JAZF1: variants seen among roughly 807,000 people sequenced by gnomAD.
The protein encoded by JAZF1 is juxtaposed with another zinc finger protein 1.
A neutral mutation model predicts 26.4 loss-of-function variants in JAZF1; 8 were observed. The ratio of observed to expected loss-of-function variants is 0.30; its 90% CI spans 0.18 to 0.55. JAZF1 has a LOEUF of 0.55. Among genes scored for constraint, JAZF1 ranks in the 20% least tolerant of loss-of-function variants. JAZF1 has a pLI of 0.94. For missense variants in JAZF1, 199 were observed against 322.0 expected, an observed-to-expected ratio of 0.62 and a Z score of 2.92; for synonymous variants, 126 against 122.3, an observed-to-expected ratio of 1.03 and a Z score of -0.20.
chr7:27,850,801 C>CT (rs1783131347), intron 3 of JAZF1, among the ~76,000 whole-genome samples: 3 of 149,974 alleles, frequency 2.0e-5, no homozygotes, highest in Admixed American at 6.6e-5. Flanking sequence ...CATCTTTCAG[C>CT]TCTGAAGGAC....
intron 1 of JAZF1, among the ~76,000 whole-genome samples, chr7:28,062,871 T>G (rs1004578594): frequency 3.9e-5 from 6 of 152,234 alleles, no homozygotes; most frequent in Admixed American, 2.6e-4. Flanking sequence ...AGACTGACAC[T>G]GTTTAATTCT....
intron 2 of JAZF1, among the ~76,000 whole-genome samples, chr7:27,909,042 C>T (rs1258749080): frequency 7.4e-6 from 1 of 134,982 alleles, no homozygotes; most frequent in East Asian, 2.1e-4. Context: ...CAGAATCTCG[C>T]TGTGCTGTCC....
At chr7:28,011,024 C>T (rs1019064810) in intron 1 of JAZF1, among the ~76,000 whole-genome samples, 5 of 152,168 alleles carry the variant, frequency 3.3e-5, no homozygotes, top group African/African-American at 1.2e-4. Context: ...GGGCTCCTCA[C>T]AATCCCACAT....
intron 2 of JAZF1, among the ~76,000 whole-genome samples, chr7:27,917,107 C>T (rs1323725678): frequency 6.6e-6 from 1 of 152,218 alleles, no homozygotes; most frequent in Non-Finnish European, 1.5e-5. Context: ...CCTTAAACTA[C>T]AGGCTCTTAC....
intron 3 of JAZF1, among the ~76,000 whole-genome samples, chr7:27,884,087 A>T (rs1783819383): frequency 6.6e-6 from 1 of 152,198 alleles, no homozygotes; most frequent in Non-Finnish European, 1.5e-5. Context: ...TTCCTGCCTG[A>T]GCAACCACTC....
At chr7:28,035,255 G>A (rs1489540641) in intron 1 of JAZF1, among the ~76,000 whole-genome samples, 5 of 139,914 alleles carry the variant, frequency 3.6e-5, no homozygotes, top group African/African-American at 1.3e-4. Context: ...TGGAGGTTGT[G>A]GTGAGCTGAA....
At chr7:27,880,156 A>G (rs1783744480) in intron 3 of JAZF1, among the ~76,000 whole-genome samples, 1 of 152,214 alleles carries the variant, frequency 6.6e-6, no homozygotes, top group African/African-American at 2.4e-5. Flanking sequence ...CCACATTTAT[A>G]GCTTTAGCTA....
At chr7:28,072,316 C>T (rs1373110530) in intron 1 of JAZF1, among the ~76,000 whole-genome samples, 2 of 152,250 alleles carry the variant, frequency 1.3e-5, no homozygotes, top group Admixed American at 6.5e-5. Flanking sequence ...CTGAACTGTG[C>T]GAAATGGCAG....
intron 1 of JAZF1, among the ~76,000 whole-genome samples, chr7:28,004,773 C>T (rs1782670262): frequency 1.3e-5 from 2 of 152,084 alleles, no homozygotes; most frequent in South Asian, 4.1e-4. Flanking sequence ...GTGCCTTGGT[C>T]TCCCAAGTAG....
intron 1 of JAZF1, among the ~76,000 whole-genome samples, chr7:28,117,419 G>C (rs1784764230): frequency 6.6e-6 from 1 of 152,116 alleles, no homozygotes; most frequent in Non-Finnish European, 1.5e-5. Flanking sequence ...AGGTAGACTA[G>C]ACATTTGCTG....
intron 1 of JAZF1, among the ~76,000 whole-genome samples, chr7:28,136,247 C>T (rs963221634): frequency 6.6e-6 from 1 of 152,222 alleles, no homozygotes; most frequent in Non-Finnish European, 1.5e-5. Flanking sequence ...GAAGCTGGGA[C>T]ACAGAGTTTA....
intron 1 of JAZF1, among the ~76,000 whole-genome samples, chr7:28,053,771 G>A (rs946266672): frequency 2.0e-5 from 3 of 152,076 alleles, no homozygotes; most frequent in South Asian, 2.1e-4. Context: ...GGAAAGGTAC[G>A]GAAAGAACTG....
chr7:27,914,252 C>A (rs191719960), intron 2 of JAZF1, among the ~76,000 whole-genome samples: 1 of 152,092 alleles, frequency 6.6e-6, no homozygotes, highest in East Asian at 1.9e-4. Context: ...TATGGAGGTA[C>A]CTGTACGTGG....
intron 1 of JAZF1, among the ~76,000 whole-genome samples, chr7:28,098,510 C>T (rs951947822): frequency 4.6e-5 from 7 of 152,100 alleles, no homozygotes; most frequent in Non-Finnish European, 7.4e-5. Context: ...AGAGGCATTA[C>T]TAAACAAATA....
At chr7:28,167,339 G>A (rs1487624712) in intron 1 of JAZF1, among the ~76,000 whole-genome samples, 2 of 152,124 alleles carry the variant, frequency 1.3e-5, no homozygotes, top group Non-Finnish European at 2.9e-5. Flanking sequence ...CTGAATATAG[G>A]TGGTGTCTCA....
chr7:27,884,519 C>A (rs1783826022), intron 3 of JAZF1, among the ~76,000 whole-genome samples: 1 of 152,174 alleles, frequency 6.6e-6, no homozygotes, highest in African/African-American at 2.4e-5. Flanking sequence ...CAAGAAAGTT[C>A]CCTTGTCCAC....
chr7:28,001,355 A>C lies in JAZF1; in HGVS notation c.116-9374T>G, dbSNP rs571977614. ...TGACAGAGTGAGACCCTGTCTCAAA[A>C]AAAACAAAACAAAACAAAACAAAAC... On this transcript the variant is annotated intron_variant, in intron 1 of 4. Transcript: ENST00000283928. Among the ~76,000 whole-genome samples, 503 of 152,154 alleles carry C rather than the reference A, an allele frequency of 3.3e-3. 1 individual carries two copies. Among genetic ancestry groups the C allele is most frequent in the Non-Finnish European group, 3.3e-3 (227 of 68,002 alleles).
chr7:28,123,834 A>C (rs1329101162), intron 1 of JAZF1, among the ~76,000 whole-genome samples: 3 of 152,216 alleles, frequency 2.0e-5, no homozygotes, highest in Non-Finnish European at 4.4e-5. Flanking sequence ...TAGAAATACT[A>C]ACCAAAAATC....
chr7:28,141,825 T>C (rs1195164788), intron 1 of JAZF1, among the ~76,000 whole-genome samples: 1 of 152,236 alleles, frequency 6.6e-6, no homozygotes, highest in Non-Finnish European at 1.5e-5. Flanking sequence ...TATACCTACA[T>C]GTTTAAAATG....
Sources: allele counts gnomAD v4.1 joint callset (sites outside exome capture counted in the v4.1 genomes callset), GRCh38; gene constraint gnomAD v4.1.1; transcripts MANE v1.5; gene names NCBI Gene and HGNC (gene_info 2026-07-23, HGNC 2026-07-21).